SYNJ2: variants seen among roughly 807,000 people sequenced by gnomAD.
SYNJ2 encodes polyphosphatidylinositol phosphatase SYNJ2.
In SYNJ2, 116 loss-of-function variants were observed where a neutral mutation model predicts 141.3. The ratio of observed to expected loss-of-function variants is 0.82; its 90% CI spans 0.71 to 0.96. The LOEUF is 0.96. Among genes scored for constraint, SYNJ2 ranks in the 40% least tolerant of loss-of-function variants. The pLI is 0.00. For synonymous variants in SYNJ2, 745 were observed against 777.7 expected, an observed-to-expected ratio of 0.96 and a Z score of 0.70; for missense variants, 1,873 against 1,934.8, an observed-to-expected ratio of 0.97 and a Z score of 0.60.
chr6:158,015,089 G>T lies in SYNJ2; in HGVS notation c.128-2115G>T, dbSNP rs184339206. Among the ~76,000 whole-genome samples, 9 of 152,310 alleles carry T rather than the reference G, an allele frequency of 5.9e-5. No homozygotes were observed. In the East Asian group the frequency reaches 1.7e-3, roughly 29 times the overall value. On this transcript the variant is annotated intron_variant, in intron 1 of 26. Coordinates refer to ENST00000355585, the MANE Select transcript of SYNJ2 (RefSeq NM_003898.4). ...AAAACAAGGTTCACCTGCTTCAAAT[G>T]TTCATCCAAGCTTTCTACACTTGCC... is the stretch of plus-strand genomic sequence containing the variant.
At chr6:157,983,768 T>C (rs1777096391) in intron 1 of SYNJ2, among the ~76,000 whole-genome samples, 1 of 152,170 alleles carries the variant, frequency 6.6e-6, no homozygotes, top group South Asian at 2.1e-4. Flanking sequence ...CTTCAACTCA[T>C]GTGCAGTCCA....
At chr6:158,067,871 G>A in intron 12 of SYNJ2, 1 of 985,286 alleles carries the variant, frequency 1.0e-6, no homozygotes. Flanking sequence ...TCCGGAGCAG[G>A]CCCATCAACG....
At chr6:157,998,931 G>T (rs1777732915) in intron 1 of SYNJ2, among the ~76,000 whole-genome samples, 1 of 152,166 alleles carries the variant, frequency 6.6e-6, no homozygotes, top group South Asian at 2.1e-4. Flanking sequence ...CCGAATGATA[G>T]ATTTGACTAC....
intron 2 of SYNJ2, chr6:158,017,712 GC>G: frequency 1.9e-6 from 1 of 525,278 alleles, no homozygotes. Flanking sequence ...GCCGTGCCTG[GC>G]CGACCTCTCT....
intron 6 of SYNJ2, among the ~76,000 whole-genome samples, chr6:158,057,525 T>C (rs1035309319): frequency 6.6e-6 from 1 of 152,244 alleles, no homozygotes; most frequent in East Asian, 1.9e-4. Flanking sequence ...GTAGCCCTGC[T>C]TTATAGATGA....
intron 17 of SYNJ2, 151 bp downstream of exon 17, chr6:158,076,933 C>A: frequency 5.1e-6 from 5 of 971,854 alleles, no homozygotes; most frequent in Non-Finnish European, 7.1e-6. Flanking sequence ...GACCTTAACC[C>A]CTAAGCTTTG....
rs2128405551 is a variant in SYNJ2, at chr6:158,097,282, G to C, written c.*918G>C. 1 of 152,318 alleles carries C rather than the reference G, an allele frequency of 6.6e-6. No individual in the cohort carries two copies. Among genetic ancestry groups the C allele is most frequent in the Non-Finnish European group, 1.5e-5 (1 of 68,030 alleles). 9.4% of individuals were successfully genotyped at this position (152,318 alleles called of 1,614,324 possible). A position where few individuals can be genotyped will look rare whatever the true frequency, so the allele number is the denominator to read the frequency against. ...GTGTTTCAGCCTCGTCTGTCCGGCT[G>C]GAGCTTCGGGATGGAAAGTGCTATG... On this transcript the variant is annotated 3_prime_UTR_variant, in exon 27 of 27. Coordinates refer to ENST00000355585, the MANE Select transcript of SYNJ2 (RefSeq NM_003898.4).
intron 1 of SYNJ2, among the ~76,000 whole-genome samples, chr6:157,985,680 T>C (rs1323635163): frequency 6.6e-6 from 1 of 152,188 alleles, no homozygotes; most frequent in Non-Finnish European, 1.5e-5. Context: ...TAAGCGACAG[T>C]GTTCCAAAGT....
intron 12 of SYNJ2, 144 bp from the exon 13 acceptor site, chr6:158,068,503 G>A (rs1781705189): frequency 1.2e-6 from 1 of 838,692 alleles, no homozygotes; most frequent in Non-Finnish European, 1.9e-6. Flanking sequence ...CACTGGGGCA[G>A]TTCCCAGCAG....
At chr6:158,088,007 TTTAACAGTTTATTCCCCTGCTTTGGAA>T in intron 23 of SYNJ2, among the ~76,000 whole-genome samples, 1 of 114,154 alleles carries the variant, frequency 8.8e-6, no homozygotes, top group Admixed American at 8.4e-5. Flanking sequence ...GCAAGTATAT[TTTAACAGTTTATTCCCCTGCTTTGGAA>T]TTTTTTTTTT....
At chr6:158,057,945 C>T (rs1780971375) in intron 6 of SYNJ2, among the ~76,000 whole-genome samples, 1 of 152,264 alleles carries the variant, frequency 6.6e-6, no homozygotes, top group African/African-American at 2.4e-5. Context: ...TCACCCTTAA[C>T]TTAGGCCAGG....
chr6:157,986,491 G>T (rs148041952), intron 1 of SYNJ2, among the ~76,000 whole-genome samples: 6 of 152,060 alleles, frequency 3.9e-5, no homozygotes, highest in Non-Finnish European at 8.8e-5. Context: ...GCACCACCAC[G>T]CCCGGCTAAT....
intron 2 of SYNJ2, chr6:158,017,672 C>T: frequency 3.1e-5 from 15 of 480,532 alleles, no homozygotes; most frequent in South Asian, 2.1e-4. Context: ...GCCTCAGCCT[C>T]CCAAAGTGCT....
At position 158,071,342 on chromosome 6, in the gene SYNJ2, C is replaced by G. The variant is rs1480842558; in HGVS notation, c.1941-260C>G. On this transcript the variant is annotated intron_variant, in intron 14 of 26. Coordinates refer to ENST00000355585, the MANE Select transcript of SYNJ2 (RefSeq NM_003898.4). The surrounding 1 kb of genome is among the most constrained non-coding windows in gnomAD (Gnocchi z 4.3). The stretch of plus-strand genomic sequence containing the variant: ...TGGGCGGATGCAGGCATTGCCCTGT[C>G]TTCGGCTTCATGGGGTGCTCAAGTG... 6.6e-6 allele frequency among the ~76,000 whole-genome samples: 1 copy of G among 152,146 alleles called. No homozygotes were observed. The highest frequency in any genetic ancestry group is 1.5e-5 in the Non-Finnish European group (1 of 68,038).
Position 158,083,982 on chromosome 6 carries a change from A to T in SYNJ2, c.3035-19A>T. 6.2e-7 allele frequency: 1 copy of T among 1,613,660 alleles called. No individual in the cohort carries two copies. Among genetic ancestry groups the T allele is most frequent in the Non-Finnish European group, 8.5e-7 (1 of 1,179,678 alleles). On this transcript the variant is annotated intron_variant, in intron 21 of 26. Transcript: ENST00000355585. ...CCTCATTGTTTTCACCCGAATTGTGATTCATTTCCTTCTCCCAGGGGATAT... is the reference window on the plus strand; with the variant it reads ...CCTCATTGTTTTCACCCGAATTGTGTTTCATTTCCTTCTCCCAGGGGATAT...
intron 15 of SYNJ2, among the ~76,000 whole-genome samples, chr6:158,073,743 ATCT>A (rs1293013972): frequency 6.6e-6 from 1 of 151,722 alleles, no homozygotes; most frequent in Non-Finnish European, 1.5e-5. Flanking sequence ...GACCTGTTTA[ATCT>A]TCTGTCCAGA....
rs34645890 is a variant in SYNJ2, at chr6:158,040,533, T to TA, written c.712-2771dup. On this transcript the variant is annotated intron_variant, in intron 4 of 26. Coordinates refer to ENST00000355585, the MANE Select transcript of SYNJ2 (RefSeq NM_003898.4). The surrounding 1 kb of genome is among the most constrained non-coding windows in gnomAD (Gnocchi z 4.2). Reference sequence around the variant, plus strand: ...AGACCAAAAAGTCCCCTCAGTCTATTAAAAAAAAAAAAGGATGTAAGATAA... The same window carrying TA: ...AGACCAAAAAGTCCCCTCAGTCTATTAAAAAAAAAAAAAGGATGTAAGATAA... Among the ~76,000 whole-genome samples, 7,310 of 143,166 alleles carry TA rather than the reference T, an allele frequency of 0.051. 581 individuals are homozygous for TA. The highest frequency in any genetic ancestry group is 0.17 in the African/African-American group (6,893 of 39,486). The allele number at this position is 143,166 out of a possible 152,430, so 93.9% of individuals were successfully genotyped here.
chr6:157,988,241 C>G (rs1009610059), intron 1 of SYNJ2, among the ~76,000 whole-genome samples: 1 of 152,154 alleles, frequency 6.6e-6, no homozygotes, highest in Non-Finnish European at 1.5e-5. Flanking sequence ...TGTGTATGCA[C>G]GAGGCTCCCT....
chr6:158,083,026 G>A (rs168415), intron 20 of SYNJ2, among the ~76,000 whole-genome samples: 17,098 of 151,856 alleles, frequency 0.11, 1,045 homozygotes, highest in African/African-American at 0.16. Context: ...TCCGCCTCCC[G>A]GGTTCAAGCG....
Sources: gnomAD v4.1 joint callset for allele counts (sites outside exome capture counted in the v4.1 genomes callset) on GRCh38, gnomAD v4.1.1 for gene constraint, Gnocchi (gnomAD v3.1) non-coding constraint, MANE v1.5 for transcripts, NCBI Gene and HGNC (gene_info 2026-07-23, HGNC 2026-07-21) for gene names.